The following KIF3C variants were observed in gnomAD, a reference collection of about 807,000 sequenced individuals.
KIF3C encodes the protein kinesin family member 3C, also known as kinesin-like protein KIF3C.
A neutral mutation model predicts 67.7 loss-of-function variants in KIF3C; 12 were observed. That is an observed-to-expected ratio of 0.18 (90% CI 0.11 to 0.29). The LOEUF (loss-of-function observed/expected upper bound fraction) is 0.29. KIF3C is among the 10% of genes least tolerant of loss of function. The pLI is 1.00. For missense variants in KIF3C, 789 were observed against 1,059.6 expected (o/e 0.74, Z 3.55); for synonymous variants, 393 against 426.2 (o/e 0.92, Z 0.96).
At chr2:25,962,617 T>A (rs1166594457) in intron 1 of KIF3C, among the ~76,000 whole-genome samples, 1 of 148,762 alleles carries the variant, frequency 6.7e-6, no homozygotes, top group Non-Finnish European at 1.5e-5. Flanking sequence ...CCTATGGTGA[T>A]CCACCCACCT....
chr2:25,969,847 C>T (rs1664235112), intron 1 of KIF3C, among the ~76,000 whole-genome samples: 1 of 152,138 alleles, frequency 6.6e-6, no homozygotes, highest in Non-Finnish European at 1.5e-5. Flanking sequence ...TCTGGAGTAG[C>T]TGGGACTACA....
rs1414486796 is a variant in KIF3C at position 25,955,719 on chromosome 2, A to G, written c.1648-56T>C. The G allele has an allele frequency of 6.3e-7, 1 of 1,598,638 alleles. No individual in the cohort carries two copies. Among genetic ancestry groups the G allele is most frequent in the African/African-American group, 1.3e-5 (1 of 74,696 alleles). ...GGAGCAGTGCATACTCGGGAGGGCCAGGAAAGCTCAGGGGACTGGCTCACT... is the reference window on the plus strand; with the variant it reads ...GGAGCAGTGCATACTCGGGAGGGCCGGGAAAGCTCAGGGGACTGGCTCACT... On this transcript the variant is annotated intron_variant, in intron 2 of 7. Transcript: ENST00000264712. This position sits in a 1 kb window ranked among gnomAD's most constrained non-coding sequence, Gnocchi z 5.0.
chr2:25,982,021 C>T lies in KIF3C; in HGVS notation c.-104G>A. Reference sequence around the variant, plus strand: ...CAGCGGGGCCGGCCCAGCCCCCAGGCGCAGCTCTTCAATCCGCATGCAGCC... The same window carrying T: ...CAGCGGGGCCGGCCCAGCCCCCAGGTGCAGCTCTTCAATCCGCATGCAGCC... On this transcript the variant is annotated 5_prime_UTR_variant, in exon 1 of 8. Coordinates refer to ENST00000264712, the MANE Select transcript of KIF3C (RefSeq NM_002254.8). 1.1e-6 allele frequency: 1 copy of T among 924,654 alleles called. No individual in the cohort carries two copies. The highest frequency in any genetic ancestry group is 2.9e-5 in the Admixed American group (1 of 34,090). 57.3% of individuals were successfully genotyped at this position (924,654 alleles called of 1,614,324 possible).
chr2:25,961,003 GC>G (rs1463344305), intron 1 of KIF3C, among the ~76,000 whole-genome samples: 1 of 152,228 alleles, frequency 6.6e-6, no homozygotes, highest in East Asian at 1.9e-4. Flanking sequence ...TGGCTCCAAA[GC>G]CCAAGCTCTT....
chr2:25,935,331 G>A (rs1663069227), intron 5 of KIF3C, among the ~76,000 whole-genome samples: 2 of 151,846 alleles, frequency 1.3e-5, no homozygotes, highest in South Asian at 2.1e-4. Context: ...ATAATCAGAG[G>A]TAAAGAGAAA....
In KIF3C at chr2:25,981,252, G is replaced by C; in HGVS notation, c.666C>G (p.Ile222Met). 6.2e-7 allele frequency: 1 copy of C among 1,614,224 alleles called. No homozygotes were observed. Among genetic ancestry groups the C allele is most frequent in the Non-Finnish European group, 8.5e-7 (1 of 1,180,034 alleles). ...VSSRSHAIFI[I>M]TVECSERGSD... Reference sequence around the variant, plus strand: ...AGCCACGTTCGCTGCACTCCACAGTGATGATGAAGATGGCATGGGAGCGGG... The same window carrying C: ...AGCCACGTTCGCTGCACTCCACAGTCATGATGAAGATGGCATGGGAGCGGG... The change falls in exon 1 of 8, where the codon ATC becomes ATG. Residue 222 changes from isoleucine to methionine, a missense_variant. Ile to Met is a conservative substitution (Grantham distance 10, BLOSUM62 1). This residue lies in a region of KIF3C where 648 missense variants were observed against 807.8 expected (regional missense o/e 0.80). Transcript: ENST00000264712. This position sits in a 1 kb window ranked among gnomAD's most constrained non-coding sequence, Gnocchi z 8.2.
chr2:25,976,695 G>T (rs1391971691), intron 1 of KIF3C, among the ~76,000 whole-genome samples: 1 of 152,080 alleles, frequency 6.6e-6, no homozygotes, highest in Non-Finnish European at 1.5e-5. Context: ...CGGGAGGCAG[G>T]GTTGCAATGA....
At chr2:25,977,101 A>G (rs746779003) in intron 1 of KIF3C, among the ~76,000 whole-genome samples, 3 of 152,076 alleles carry the variant, frequency 2.0e-5, no homozygotes, top group Non-Finnish European at 4.4e-5. Flanking sequence ...GACACTGATC[A>G]CAATCACAAA....
At chr2:25,973,331 A>C (rs927743588) in intron 1 of KIF3C, among the ~76,000 whole-genome samples, 1 of 152,262 alleles carries the variant, frequency 6.6e-6, no homozygotes, top group South Asian at 2.1e-4. Context: ...AGGTGGGTGC[A>C]TCACCTGAGG....
intron 1 of KIF3C, among the ~76,000 whole-genome samples, chr2:25,960,633 C>T (rs2149236567): frequency 6.6e-6 from 1 of 152,272 alleles, no homozygotes; most frequent in South Asian, 2.1e-4. Flanking sequence ...ATATGCCTCT[C>T]ATTAAATTTA....
intron 1 of KIF3C, among the ~76,000 whole-genome samples, chr2:25,974,940 C>T (rs367831703): frequency 2.1e-4 from 32 of 150,194 alleles, no homozygotes; most frequent in African/African-American, 6.9e-4. Context: ...GAAGGAGAAT[C>T]GCTTGAACCT....
chr2:25,955,803 C>A lies in KIF3C; in HGVS notation c.1648-140G>T. On this transcript the variant is annotated intron_variant, in intron 2 of 7. Transcript: ENST00000264712. This position sits in a 1 kb window ranked among gnomAD's most constrained non-coding sequence, Gnocchi z 5.0. ...CATGGCCCACATCCACTGCTCCCAC[C>A]CAATCCTGCAGAGCCCCTGGGAACC... 1.0e-6 allele frequency: 1 copy of A among 968,048 alleles called. No individual in the cohort carries two copies. Among genetic ancestry groups the A allele is most frequent in the Non-Finnish European group, 1.5e-6 (1 of 656,352 alleles). The allele number at this position is 968,048 out of a possible 1,614,324, so 60.0% of individuals were successfully genotyped here.
At chr2:25,940,713 C>G (rs865905367) in intron 5 of KIF3C, among the ~76,000 whole-genome samples, 1 of 111,982 alleles carries the variant, frequency 8.9e-6, no homozygotes, top group Non-Finnish European at 1.7e-5. Context: ...TGCAGTGGTG[C>G]GATCTCAGCT....
At chr2:25,943,766 G>A (rs887311988) in intron 5 of KIF3C, among the ~76,000 whole-genome samples, 2 of 151,922 alleles carry the variant, frequency 1.3e-5, no homozygotes, top group Non-Finnish European at 2.9e-5. Flanking sequence ...TCGGGAGGCG[G>A]AGGCAAGAGA....
At chr2:25,954,200 G>A in intron 4 of KIF3C, 67 bp downstream of exon 4, 1 of 1,122,854 alleles carries the variant, frequency 8.9e-7, no homozygotes, top group Non-Finnish European at 1.4e-6. Flanking sequence ...AGGCCTTAGG[G>A]GAGGAGAGGC....
At chr2:25,944,260 T>C (rs1217670638) in intron 5 of KIF3C, among the ~76,000 whole-genome samples, 1 of 152,080 alleles carries the variant, frequency 6.6e-6, no homozygotes, top group Non-Finnish European at 1.5e-5. Flanking sequence ...TTTCTTGGAA[T>C]TCTTTATTAT....
In KIF3C at chr2:25,981,102, A is replaced by C; in HGVS notation, c.816T>G (p.Gly272=). ...GGAATPSSGG[G]GGGGGSGGGA... The stretch of plus-strand genomic sequence containing the variant: ...CACCACCACTGCCTCCACCGCCACC[A>C]CCGCCACCCGAGGATGGTGTGGCTG... The change falls in exon 1 of 8, where the codon GGT becomes GGG. Residue 272 remains glycine, a synonymous_variant. Coordinates refer to ENST00000264712, the MANE Select transcript of KIF3C (RefSeq NM_002254.8). The surrounding 1 kb of genome is among the most constrained non-coding windows in gnomAD (Gnocchi z 8.2). 3 of 1,613,942 alleles carry C rather than the reference A, an allele frequency of 1.9e-6. No individual in the cohort carries two copies. Among genetic ancestry groups the C allele is most frequent in the Non-Finnish European group, 1.7e-6 (2 of 1,179,978 alleles).
chr2:25,960,392 A>G (rs771620119), intron 1 of KIF3C, among the ~76,000 whole-genome samples: 1 of 149,314 alleles, frequency 6.7e-6, no homozygotes, highest in Non-Finnish European at 1.5e-5. Context: ...TTTTCCAGTG[A>G]AAGCTCACAG....
Position 25,981,206 on chromosome 2 carries a change from G to A in KIF3C, c.712C>T (p.Arg238Ter), listed in dbSNP as rs766643936. ...TCCACGAGGTTGAGCTTGCCCACTC[G>A]GATGTGGTCCTGGCCATCAGAGCCA... Reference protein sequence around the residue: ...ERGSDGQDHIRVGKLNLVDLA... With the variant: ...ERGSDGQDHI Residue 238 changes from arginine to a stop codon, truncating the protein, a stop_gained, in exon 1 of 8, where the codon CGA becomes TGA. Transcript: ENST00000264712. LOFTEE classifies it high-confidence loss of function. This position sits in a 1 kb window ranked among gnomAD's most constrained non-coding sequence, Gnocchi z 8.2. 1.9e-6 allele frequency: 3 copies of A among 1,614,098 alleles called. No homozygotes were observed. The highest frequency in any genetic ancestry group is 1.1e-5 in the South Asian group (1 of 91,078).
Sources: allele counts gnomAD v4.1 joint callset (sites outside exome capture counted in the v4.1 genomes callset), GRCh38; gene constraint gnomAD v4.1.1; regional missense constraint gnomAD v4.1.1; non-coding constraint Gnocchi (gnomAD v3.1); transcripts MANE v1.5; gene names NCBI Gene and HGNC (gene_info 2026-07-23, HGNC 2026-07-21).